TENM4: variants seen among roughly 807,000 people sequenced by gnomAD.
The protein encoded by TENM4 is teneurin-4.
In TENM4, 82 loss-of-function variants were observed where a neutral mutation model predicts 243.3. The observed-to-expected ratio is 0.34, with a 90% CI of 0.28 to 0.40. The LOEUF (loss-of-function observed/expected upper bound fraction) is 0.40, where lower values mean the gene tolerates loss of function less well. Among genes scored for constraint, TENM4 ranks in the 10% least tolerant of loss-of-function variants. TENM4 has a pLI of 1.00. For synonymous variants in TENM4, 1,412 were observed against 1,456.3 expected, an observed-to-expected ratio of 0.97 and a Z score of 0.69; for missense variants, 3,138 against 3,673.3, an observed-to-expected ratio of 0.85 and a Z score of 3.77.
Position 79,329,080 on chromosome 11 carries a change from C to A in TENM4, c.-320-31537G>T, listed in dbSNP as rs1398447845. The stretch of plus-strand genomic sequence containing the variant: ...TGACCTCTTAGACACCATTCAGAAG[C>A]AGCTAAGCTGTTCAAAAGCCATGGA... On this transcript the variant is annotated intron_variant, in intron 1 of 33. Transcript: ENST00000278550. 2.6e-5 allele frequency among the ~76,000 whole-genome samples: 4 copies of A among 152,240 alleles called. No homozygotes were observed. In the East Asian group the frequency reaches 7.7e-4, roughly 29 times the overall value.
intron 2 of TENM4, among the ~76,000 whole-genome samples, chr11:79,261,682 T>A (rs377435178): frequency 6.6e-6 from 1 of 152,160 alleles, no homozygotes; most frequent in Non-Finnish European, 1.5e-5. Context: ...TTCTACAATT[T>A]TTTTGGTTTG....
At chr11:78,997,048 C>T (rs760124457) in intron 6 of TENM4, among the ~76,000 whole-genome samples, 4 of 142,898 alleles carry the variant, frequency 2.8e-5, no homozygotes, top group East Asian at 4.8e-4. Context: ...GTTGTTGGGG[C>T]GGGGGTAGGG....
intron 1 of TENM4, among the ~76,000 whole-genome samples, chr11:79,404,955 A>C (rs1284135600): frequency 6.6e-6 from 1 of 152,112 alleles, no homozygotes; most frequent in Non-Finnish European, 1.5e-5. Flanking sequence ...TGGATATGGA[A>C]ACTCCTAGCA....
chr11:79,190,848 G>A (rs1239845994), intron 3 of TENM4, among the ~76,000 whole-genome samples: 3 of 15,486 alleles, frequency 1.9e-4, no homozygotes, highest in East Asian at 5.2e-3. Flanking sequence ...TCCCTCTCCC[G>A]TCTCCCTCTC....
At chr11:79,244,203 T>A (rs1350653943) in intron 2 of TENM4, among the ~76,000 whole-genome samples, 1 of 152,212 alleles carries the variant, frequency 6.6e-6, no homozygotes, top group African/African-American at 2.4e-5. Flanking sequence ...GTGAGGCTAA[T>A]GCTCCTGGCT....
intron 10 of TENM4, 64 bp downstream of exon 10, chr11:78,862,898 G>T: frequency 7.6e-7 from 1 of 1,319,404 alleles, no homozygotes; most frequent in Non-Finnish European, 9.8e-7. Context: ...GCACGTTATG[G>T]AGGGCTCTTC....
intron 19 of TENM4, among the ~76,000 whole-genome samples, chr11:78,741,178 G>T (rs1236798010): frequency 1.3e-5 from 2 of 152,172 alleles, no homozygotes; most frequent in African/African-American, 2.4e-5. Flanking sequence ...ATTGTGTCTT[G>T]TGCCACATGC....
intron 25 of TENM4, among the ~76,000 whole-genome samples, chr11:78,718,755 A>G (rs1373255010): frequency 3.9e-5 from 6 of 152,228 alleles, no homozygotes. Context: ...GTGTCAGGAA[A>G]AAAATGTTCT....
chr11:78,759,033 T>C (rs1235737777), intron 18 of TENM4, among the ~76,000 whole-genome samples: 1 of 152,176 alleles, frequency 6.6e-6, no homozygotes, highest in East Asian at 1.9e-4. Context: ...TAATTCTGGG[T>C]TAGTTTCCCT....
At chr11:78,705,124 AATTTC>A (rs1454534457) in intron 27 of TENM4, among the ~76,000 whole-genome samples, 1 of 152,114 alleles carries the variant, frequency 6.6e-6, no homozygotes, top group East Asian at 1.9e-4. Context: ...GGGAATTTTC[AATTTC>A]TTAAAACCCA....
chr11:79,173,521 C>T (rs1863094663), intron 3 of TENM4, among the ~76,000 whole-genome samples: 1 of 152,114 alleles, frequency 6.6e-6, no homozygotes, highest in African/African-American at 2.4e-5. Context: ...AATTATCAAG[C>T]CTATTTAGCT....
chr11:78,658,101 T>C lies in TENM4; in HGVS notation c.8267A>G (p.Asn2756Ser), dbSNP rs760523164. ...GCTCTGTCTCATGAAGTGGATGTTG[T>C]TGGCGCTGTCTGACAGTTCTGGGTA... The part of the protein sequence containing the change: ...EQYPELSDSA[N>S]NIHFMRQSEM... The change falls in exon 34 of 34, where the codon AAC becomes AGC. Residue 2756 changes from asparagine (N) to serine (S), a missense_variant. Coordinates refer to ENST00000278550, the MANE Select transcript of TENM4 (RefSeq NM_001098816.3). 2 of 1,614,056 alleles carry C rather than the reference T, an allele frequency of 1.2e-6. No individual in the cohort carries two copies. The highest frequency in any genetic ancestry group is 1.7e-6 in the Non-Finnish European group (2 of 1,179,896).
intron 12 of TENM4, among the ~76,000 whole-genome samples, chr11:78,844,123 A>T (rs181096336): frequency 6.6e-6 from 1 of 152,228 alleles, no homozygotes; most frequent in East Asian, 1.9e-4. Flanking sequence ...AATGCAAATA[A>T]TGATCCTTTC....
intron 1 of TENM4, among the ~76,000 whole-genome samples, chr11:79,388,289 A>C (rs1012799420): frequency 6.6e-6 from 1 of 152,188 alleles, no homozygotes; most frequent in Non-Finnish European, 1.5e-5. Flanking sequence ...CAATATAGCA[A>C]CCATACTTTC....
chr11:78,916,278 G>A (rs1856314368), intron 6 of TENM4, among the ~76,000 whole-genome samples: 1 of 152,188 alleles, frequency 6.6e-6, no homozygotes, highest in Admixed American at 6.5e-5. Flanking sequence ...AATTTAGTGA[G>A]ACAGTGGATA....
intron 15 of TENM4, among the ~76,000 whole-genome samples, chr11:78,804,744 G>C (rs921166988): frequency 6.6e-6 from 1 of 152,202 alleles, no homozygotes; most frequent in Admixed American, 6.5e-5. Context: ...CTGAGTCCTG[G>C]GGCTGCAGAG....
intron 2 of TENM4, among the ~76,000 whole-genome samples, chr11:79,293,233 A>G (rs1224544077): frequency 6.6e-6 from 1 of 152,218 alleles, no homozygotes; most frequent in East Asian, 1.9e-4. Flanking sequence ...TGGCATATTT[A>G]TTAACTCTTT....
intron 18 of TENM4, among the ~76,000 whole-genome samples, chr11:78,763,749 C>T (rs7930338): frequency 0.042 from 6,464 of 152,290 alleles, 369 homozygotes; most frequent in African/African-American, 0.13. Flanking sequence ...ATGCCCGAGA[C>T]GCAATTTGCT....
intron 2 of TENM4, among the ~76,000 whole-genome samples, chr11:79,220,428 G>A (rs887985485): frequency 3.3e-5 from 5 of 152,118 alleles, no homozygotes; most frequent in Admixed American, 2.6e-4. Context: ...GCTGTGCAGC[G>A]TTGGCCAAAC....
Sources: allele counts gnomAD v4.1 joint callset (sites outside exome capture counted in the v4.1 genomes callset), GRCh38; gene constraint gnomAD v4.1.1; transcripts MANE v1.5; gene names NCBI Gene and HGNC (gene_info 2026-07-23, HGNC 2026-07-21).